Variants in TMEM184A observed in about 807,000 individuals in gnomAD.
TMEM184A encodes the protein transmembrane protein 184A.
TMEM184A carries 40 observed loss-of-function variants against 39.5 expected under a neutral mutation model. That is an observed-to-expected ratio of 1.01 (90% CI 0.79 to 1.32). TMEM184A has a LOEUF of 1.32. TMEM184A is among the 40% of genes most tolerant of loss of function. The pLI, the probability that TMEM184A is intolerant of heterozygous loss-of-function variation, is 0.00. For synonymous variants in TMEM184A, 280 were observed against 252.3 expected (o/e 1.11, Z -1.04); for missense variants, 603 against 568.8 (o/e 1.06, Z -0.61).
intron 6 of TMEM184A, chr7:1,549,585 C>T (rs1042624880): frequency 1.7e-6 from 1 of 578,760 alleles, no homozygotes; most frequent in Non-Finnish European, 3.4e-6. Flanking sequence ...AGGCCCCCGG[C>T]CTTGGCAGGC....
Position 1,548,534 on chromosome 7 carries a change from G to A in TMEM184A, c.799C>T (p.Leu267=). 1 of 1,613,254 alleles carries A rather than the reference G, an allele frequency of 6.2e-7. No individual in the cohort carries two copies. Among genetic ancestry groups the A allele is most frequent in the Non-Finnish European group, 8.5e-7 (1 of 1,179,698 alleles). ...KFLTIKAVIF[L]SFWQGLLLAI... Reference sequence around the variant, plus strand: ...CCCCACACACCTTGCCAGAACGACAGGAAGATGACGGCTTTGATGGTGAGG... The same window carrying A: ...CCCCACACACCTTGCCAGAACGACAAGAAGATGACGGCTTTGATGGTGAGG... Residue 267 remains leucine (L), a synonymous_variant, in exon 7 of 9, where the codon CTG becomes TTG. Coordinates refer to ENST00000297477, the MANE Select transcript of TMEM184A (RefSeq NM_001097620.2).
intron 2 of TMEM184A, 59 bp from the exon 3 acceptor site, chr7:1,551,041 A>G: frequency 1.6e-6 from 1 of 636,420 alleles, no homozygotes; most frequent in Admixed American, 2.5e-5. Flanking sequence ...GGACCAGCCC[A>G]GGTGAGCCGG....
At position 1,555,843 on chromosome 7, in the gene TMEM184A, G is replaced by T. The variant is rs891807487; in HGVS notation, c.-1+271C>A. 5 of 326,298 alleles carry T rather than the reference G, an allele frequency of 1.5e-5. No individual in the cohort carries two copies. Among genetic ancestry groups the T allele is most frequent in the Non-Finnish European group, 2.9e-5 (5 of 173,962 alleles). 20.2% of individuals were successfully genotyped at this position (326,298 alleles called of 1,614,324 possible). ...GGAACCCCTGCCGCCCTGCCTGCCC[G>T]GGAGGGCTGGGGAGCGGGCGCAGAC... On this transcript the variant is annotated intron_variant, in intron 1 of 8. Transcript: ENST00000297477. The surrounding 1 kb of genome is among the most constrained non-coding windows in gnomAD (Gnocchi z 5.2).
chr7:1,546,526 C>T lies in TMEM184A; in HGVS notation c.*426G>A, dbSNP rs1398483383. The stretch of plus-strand genomic sequence containing the variant: ...GTCAGAGCCCGGCTGCCCAGCGCCC[C>T]GGCGCCCCTCCCTCCAGCTGCCCAG... On this transcript the variant is annotated 3_prime_UTR_variant, in exon 9 of 9. Coordinates refer to ENST00000297477, the MANE Select transcript of TMEM184A (RefSeq NM_001097620.2). 1.2e-5 allele frequency: 2 copies of T among 164,782 alleles called. No individual in the cohort carries two copies. The highest frequency in any genetic ancestry group is 6.4e-5 in the Admixed American group (1 of 15,708). 10.2% of individuals were successfully genotyped at this position (164,782 alleles called of 1,614,324 possible). A position where few individuals can be genotyped will look rare whatever the true frequency, so the allele number is the denominator to read the frequency against.
rs1778533170 is a variant in TMEM184A at position 1,555,609 on chromosome 7, GCCGCACC to G, written c.1-132_1-126del. On this transcript the variant is annotated intron_variant, in intron 1 of 8. Transcript: ENST00000297477. The surrounding 1 kb of genome is among the most constrained non-coding windows in gnomAD (Gnocchi z 5.2). ...GAGCTGAGGCTGAGCCACCCACCAGGCCGCACCCCCCACACGGACACCAGCGCCAGGC... is the reference window on the plus strand; with the variant it reads ...GAGCTGAGGCTGAGCCACCCACCAGGCCCCACACGGACACCAGCGCCAGGC... The G allele has an allele frequency of 2.7e-6, 2 of 742,286 alleles. No individual in the cohort carries two copies. Among genetic ancestry groups the G allele is most frequent in the South Asian group, 3.0e-5 (2 of 67,636 alleles). The allele number at this position is 742,286 out of a possible 1,614,324, so 46.0% of individuals were successfully genotyped here. A position where few individuals can be genotyped will look rare whatever the true frequency, so the allele number is the denominator to read the frequency against.
rs2128555447 is a variant in TMEM184A, at chr7:1,555,199, G to A, written c.219+67C>T. 3 of 1,370,722 alleles carry A rather than the reference G, an allele frequency of 2.2e-6. No individual in the cohort carries two copies. Among genetic ancestry groups the A allele is most frequent in the East Asian group, 4.9e-5 (2 of 41,046 alleles). The allele number at this position is 1,370,722 out of a possible 1,614,324, so 84.9% of individuals were successfully genotyped here. On this transcript the variant is annotated intron_variant, in intron 2 of 8. Coordinates refer to ENST00000297477, the MANE Select transcript of TMEM184A (RefSeq NM_001097620.2). The surrounding 1 kb of genome is among the most constrained non-coding windows in gnomAD (Gnocchi z 5.2). The stretch of plus-strand genomic sequence containing the variant: ...TAGCAGCGGCACCCAGGGGGACCGG[G>A]CTGAGCCACGGCCACGTCCTGTGGA...
chr7:1,551,012 G>C, intron 2 of TMEM184A, 30 bp from the exon 3 acceptor site: 1 of 1,589,574 alleles, frequency 6.3e-7, no homozygotes. Flanking sequence ...CATGAGAGCC[G>C]GGCCCGCCTG....
intron 2 of TMEM184A, among the ~76,000 whole-genome samples, chr7:1,551,382 C>G (rs1455974382): frequency 6.7e-6 from 1 of 149,406 alleles, no homozygotes; most frequent in Non-Finnish European, 1.5e-5. Context: ...AGAGCCGGGT[C>G]CGCCTGGTAC....
chr7:1,546,964 C>T lies in TMEM184A; in HGVS notation c.1230G>A (p.Ser410=), dbSNP rs751413. The T allele has an allele frequency of 2.9e-3, 4,566 of 1,581,898 alleles. 70 individuals carry two copies. In the East Asian group the frequency reaches 0.043, roughly 15 times the overall value. Residue 410 remains serine (S), a synonymous_variant, in exon 9 of 9, where the codon TCG becomes TCA. Coordinates refer to ENST00000297477, the MANE Select transcript of TMEM184A (RefSeq NM_001097620.2). ...RSLEKRMLIP[S]EDL is the part of the protein sequence containing the mutation. ...AGCCCAGGCCCCCCTACAGGTCCTC[C>T]GAGGGGATCAGCATCCGCTTCTCCA... is the stretch of plus-strand genomic sequence containing the variant.
chr7:1,548,752 GCCA>G (rs753107752), intron 6 of TMEM184A, 64 bp from the exon 7 acceptor site: 3 of 1,568,448 alleles, frequency 1.9e-6, no homozygotes, highest in South Asian at 2.3e-5. Flanking sequence ...CCACCCTAGA[GCCA>G]CCGCCGCTGC....
At position 1,547,943 on chromosome 7, in the gene TMEM184A, C is replaced by CA; in HGVS notation, c.815-5_815-4insT. On this transcript the variant is annotated splice_polypyrimidine_tract_variant and splice_region_variant and intron_variant, in intron 7 of 8. Transcript: ENST00000297477. ...TCCAGGATGGCCAGCAGCAGCCCTG[C>CA]GGACGCCACGGCCGCTCAGCCCCAG... The CA allele has an allele frequency of 6.4e-7, 1 of 1,560,634 alleles. No individual in the cohort carries two copies. The highest frequency in any genetic ancestry group is 1.2e-5 in the South Asian group (1 of 85,344).
chr7:1,548,623 G>C lies in TMEM184A; in HGVS notation c.710C>G (p.Ala237Gly), dbSNP rs1016384651. Reference sequence around the variant, plus strand: ...GGTGGTGAAGTAGAAGAGGAACAGGGCGTAGAGGGCGAGGCTGACGGAGGC... The same window carrying C: ...GGTGGTGAAGTAGAAGAGGAACAGGCCGTAGAGGGCGAGGCTGACGGAGGC... ...YNASVSLALY[A>G]LFLFYFTTRE... The change falls in exon 7 of 9, where the codon GCC (alanine) becomes GGC (glycine). Residue 237 changes from alanine (A) to glycine (G), a missense_variant. Transcript: ENST00000297477. 6.2e-7 allele frequency: 1 copy of C among 1,613,968 alleles called. No homozygotes were observed.
chr7:1,549,216 ATG>A (rs1562557610), intron 6 of TMEM184A: 2 of 448,102 alleles, frequency 4.5e-6, no homozygotes, highest in Non-Finnish European at 8.9e-6. Flanking sequence ...TGCTGTGTGC[ATG>A]TGTGAACATG....
In TMEM184A at chr7:1,543,108, C is replaced by CG. The variant is rs1215333363; in HGVS notation, c.*3843_*3844insC. 1.3e-5 allele frequency: 2 copies of CG among 152,424 alleles called. No individual in the cohort carries two copies. The highest frequency in any genetic ancestry group is 2.4e-5 in the African/African-American group (1 of 41,518). The allele number at this position is 152,424 out of a possible 1,614,324, so 9.4% of individuals were successfully genotyped here. A position where few individuals can be genotyped will look rare whatever the true frequency, so the allele number is the denominator to read the frequency against. ...CTTGGGCCAAGAACCACACCCCCCC[C>CG]CCAATCCCAGGGGACCCTGCCTGTC... is the stretch of plus-strand genomic sequence containing the variant. On this transcript the variant is annotated 3_prime_UTR_variant, in exon 9 of 9. Transcript: ENST00000297477.
At chr7:1,552,642 C>T (rs889679154) in intron 2 of TMEM184A, among the ~76,000 whole-genome samples, 67 of 152,000 alleles carry the variant, frequency 4.4e-4, no homozygotes, top group African/African-American at 1.5e-3. Context: ...AAGTGTCCAA[C>T]CCGGGGGACG....
rs375125067 is a variant in TMEM184A, at chr7:1,547,000, C to T, written c.1194G>A (p.Lys398=). The T allele has an allele frequency of 8.8e-5, 140 of 1,582,046 alleles. No homozygotes were observed. Among genetic ancestry groups the T allele is most frequent in the Middle Eastern group, 8.2e-4 (4 of 4,876 alleles). ...GCATCCGCTTCTCCAGGCTCCGGCT[C>T]TTCCTGCTCCCGCCGGAGCCGCCGC... The part of the protein sequence containing the change: ...HPSGGSGGSR[K]SRSLEKRMLI... The change falls in exon 9 of 9, where the codon AAG becomes AAA. Residue 398 remains lysine, a synonymous_variant. Transcript: ENST00000297477.
At chr7:1,549,648 G>A in intron 6 of TMEM184A, 1 of 681,766 alleles carries the variant, frequency 1.5e-6, no homozygotes, top group South Asian at 1.5e-5. Context: ...GGGGCCCCTA[G>A]CCCAGCCGGA....
intron 3 of TMEM184A, 48 bp from the exon 4 acceptor site, chr7:1,550,443 G>T: frequency 6.8e-7 from 1 of 1,465,710 alleles, no homozygotes; most frequent in Non-Finnish European, 9.3e-7. Context: ...GAGCTGCACC[G>T]GGACCCCATG....
intron 2 of TMEM184A, among the ~76,000 whole-genome samples, chr7:1,553,057 A>G (rs1285285985): frequency 6.6e-6 from 1 of 152,182 alleles, no homozygotes; most frequent in Non-Finnish European, 1.5e-5. Flanking sequence ...CCTGCCTAAA[A>G]AAAAAGAAAG....
Sources: allele counts gnomAD v4.1 joint callset (sites outside exome capture counted in the v4.1 genomes callset), GRCh38; gene constraint gnomAD v4.1.1; non-coding constraint Gnocchi (gnomAD v3.1); transcripts MANE v1.5; gene names NCBI Gene and HGNC (gene_info 2026-07-23, HGNC 2026-07-21).